Variants in RP1 observed in about 807,000 individuals in gnomAD.
The protein encoded by RP1 is oxygen-regulated protein 1.
In RP1, 16 loss-of-function variants were observed where a neutral mutation model predicts 14.8. The observed-to-expected ratio is 1.08, with a 90% CI of 0.73 to 1.65. RP1 has a LOEUF of 1.65. RP1 is among the 40% of genes most tolerant of loss of function. RP1 has a pLI of 0.00. For missense variants in RP1, 2,631 were observed against 2,535.0 expected (o/e 1.04, Z -0.81); for synonymous variants, 876 against 883.6 (o/e 0.99, Z 0.15).
chr8:54,670,494 T>C lies in RP1; in HGVS notation c.1324-3356T>C, dbSNP rs913597171. On this transcript the variant is annotated intron_variant, in intron 7 of 22. Transcript: ENST00000636932. ...ATATATAGGTTTACATATGTAAGTA[T>C]GTATATATATACACATATATATGTA... Among the ~76,000 whole-genome samples, 141 of 120,290 alleles carry C rather than the reference T, an allele frequency of 1.2e-3. 2 individuals are homozygous for C. The highest frequency in any genetic ancestry group is 4.0e-3 in the African/African-American group (134 of 33,706). The allele number at this position is 120,290 out of a possible 152,430, so 78.9% of individuals were successfully genotyped here. A position where few individuals can be genotyped will look rare whatever the true frequency, so the allele number is the denominator to read the frequency against.
chr8:54,722,641 TAC>T (rs2129351311), intron 16 of RP1, among the ~76,000 whole-genome samples: 1 of 152,242 alleles, frequency 6.6e-6, no homozygotes, highest in Non-Finnish European at 1.5e-5. Context: ...TATATTTTAA[TAC>T]AGAGATAGAG....
intron 24 of RP1, among the ~76,000 whole-genome samples, chr8:54,809,291 A>G (rs1436239760): frequency 6.6e-6 from 1 of 152,186 alleles, no homozygotes; most frequent in African/African-American, 2.4e-5. Context: ...TCTTACTCAT[A>G]CATTCTCTTT....
At chr8:54,842,377 C>T (rs966210736) in intron 25 of RP1, among the ~76,000 whole-genome samples, 2 of 152,176 alleles carry the variant, frequency 1.3e-5, no homozygotes, top group Non-Finnish European at 2.9e-5. Flanking sequence ...GAAACCAGCA[C>T]TCTTTTTGAG....
At chr8:54,741,520 A>G (rs1809084833) in intron 19 of RP1, among the ~76,000 whole-genome samples, 1 of 151,908 alleles carries the variant, frequency 6.6e-6, no homozygotes, top group African/African-American at 2.4e-5. Flanking sequence ...CATATAGCCT[A>G]GGTATGTAGT....
intron 1 of RP1, among the ~76,000 whole-genome samples, chr8:54,569,807 TTAC>T (rs1279876752): frequency 2.6e-5 from 4 of 152,162 alleles, no homozygotes; most frequent in Non-Finnish European, 5.9e-5. Context: ...TGGTAAACTA[TTAC>T]TACATCATCA....
intron 24 of RP1, among the ~76,000 whole-genome samples, chr8:54,831,262 A>G (rs752143634): frequency 2.6e-4 from 39 of 152,134 alleles, no homozygotes; most frequent in Non-Finnish European, 5.2e-4. Flanking sequence ...TATATTTAAC[A>G]TGATGAGAAC....
chr8:54,667,531 C>T (rs975656900), intron 7 of RP1, among the ~76,000 whole-genome samples: 4 of 152,072 alleles, frequency 2.6e-5, no homozygotes, highest in African/African-American at 9.7e-5. Flanking sequence ...CAAACACTTC[C>T]TTTTTGAAGC....
intron 24 of RP1, among the ~76,000 whole-genome samples, chr8:54,824,393 A>G (rs1811333795): frequency 6.6e-6 from 1 of 152,220 alleles, no homozygotes; most frequent in Non-Finnish European, 1.5e-5. Context: ...GAATAACCCT[A>G]TAATCAGCAA....
At chr8:54,646,859 G>A (rs139475895) in intron 3 of RP1, among the ~76,000 whole-genome samples, 1 of 152,264 alleles carries the variant, frequency 6.6e-6, no homozygotes, top group East Asian at 1.9e-4. Context: ...TAAGACAGAA[G>A]TATGGTATTT....
intron 17 of RP1, among the ~76,000 whole-genome samples, chr8:54,727,843 A>G (rs1808694868): frequency 6.6e-6 from 1 of 151,730 alleles, no homozygotes; most frequent in Admixed American, 6.6e-5. Context: ...GATGAAGGAA[A>G]TATCCAGAGC....
rs929619376 is a variant in RP1 at position 54,628,547 on chromosome 8, A to G, written c.4665A>G (p.Gly1555=). 11 of 1,613,932 alleles carry G rather than the reference A, an allele frequency of 6.8e-6. No homozygotes were observed. The Admixed American group carries it at 1.5e-4, about 22-fold the overall frequency. Residue 1555 remains glycine (G), a synonymous_variant, in exon 4 of 4, where the codon GGA becomes GGG. Coordinates refer to ENST00000220676, the MANE Select transcript of RP1 (RefSeq NM_006269.2). ...ATAGTGAAAAGGAGACCAATGAAGG[A>G]GAAACTAAGATGGTAAAAATGATGG... ...KQNSEKETNE[G]ETKMVKMMVK... is the part of the protein sequence containing the mutation.
chr8:54,763,303 G>A (rs1234721575), intron 22 of RP1, among the ~76,000 whole-genome samples: 1 of 152,146 alleles, frequency 6.6e-6, no homozygotes, highest in Non-Finnish European at 1.5e-5. Context: ...AGGAGGGCCT[G>A]GAGACAAGGA....
chr8:54,817,595 G>A (rs1811164401), intron 24 of RP1, among the ~76,000 whole-genome samples: 1 of 152,176 alleles, frequency 6.6e-6, no homozygotes, highest in South Asian at 2.1e-4. Flanking sequence ...TGATACCTCT[G>A]TGGAAAGTAG....
chr8:54,629,888 TA>T lies in RP1; in HGVS notation c.6010del (p.Arg2004GlufsTer12). ...YFSNTFDLMG[K>X]RRKQKRINFL... ...TCAGTAACACATTTGACTTGATGGG[TA>T]AAAGAAGAAAACAAAAAAGAATTAA... On this transcript the variant is annotated frameshift_variant, in exon 4 of 4. Coordinates refer to ENST00000220676, the MANE Select transcript of RP1 (RefSeq NM_006269.2). LOFTEE classifies it low-confidence loss of function (END_TRUNC). 1 of 1,613,818 alleles carries T rather than the reference TA, an allele frequency of 6.2e-7. No homozygotes were observed. The highest frequency in any genetic ancestry group is 8.5e-7 in the Non-Finnish European group (1 of 1,179,898).
chr8:54,677,187 C>T (rs1807311520), intron 8 of RP1, among the ~76,000 whole-genome samples: 2 of 151,752 alleles, frequency 1.3e-5, no homozygotes, highest in South Asian at 2.1e-4. Context: ...CTGGGAAAAC[C>T]CTCTGTCCTG....
chr8:54,746,393 C>T (rs1177126565), intron 19 of RP1, among the ~76,000 whole-genome samples: 6 of 151,910 alleles, frequency 3.9e-5, no homozygotes, highest in East Asian at 1.9e-4. Context: ...ACTTTAGAGG[C>T]CTTTGTGAAG....
In RP1 at chr8:54,629,677, A is replaced by T. The variant is rs751808961; in HGVS notation, c.5795A>T (p.Asp1932Val). The change falls in exon 4 of 4, where the codon GAC (aspartate) becomes GTC (valine). Residue 1932 changes from aspartate (D) to valine (V), a missense_variant. Asp to Val is a radical substitution (Grantham distance 152). Coordinates refer to ENST00000220676, the MANE Select transcript of RP1 (RefSeq NM_006269.2). The part of the protein sequence containing the change: ...TVIIQPMNEE[D>V]RGFAYRKESD... ...ATTATCCAACCCATGAATGAGGAAGACCGAGGATTTGCATATCGCAAAGAA... is the reference window on the plus strand; with the variant it reads ...ATTATCCAACCCATGAATGAGGAAGTCCGAGGATTTGCATATCGCAAAGAA... The T allele has an allele frequency of 6.8e-6, 11 of 1,613,796 alleles. No individual in the cohort carries two copies. The highest frequency in any genetic ancestry group is 8.5e-6 in the Non-Finnish European group (10 of 1,179,938).
chr8:54,767,076 T>C (rs1585674483), intron 22 of RP1, among the ~76,000 whole-genome samples: 1 of 152,224 alleles, frequency 6.6e-6, no homozygotes, highest in Non-Finnish European at 1.5e-5. Context: ...TGGTTGTTTG[T>C]TGACTGGCAG....
chr8:54,681,115 C>G (rs1453459361), intron 12 of RP1, among the ~76,000 whole-genome samples: 1 of 152,054 alleles, frequency 6.6e-6, no homozygotes, highest in Non-Finnish European at 1.5e-5. Flanking sequence ...TCAAAGTGGC[C>G]CTTCATCCTA....
Sources: allele counts gnomAD v4.1 joint callset (sites outside exome capture counted in the v4.1 genomes callset), GRCh38; gene constraint gnomAD v4.1.1; transcripts MANE v1.5; gene names NCBI Gene and HGNC (gene_info 2026-07-23, HGNC 2026-07-21).